PSMD1: variants seen among roughly 807,000 people sequenced by gnomAD.
PSMD1 encodes proteasome 26S subunit, non-ATPase 1, also known as 26S proteasome non-ATPase regulatory subunit 1.
In PSMD1, 18 loss-of-function variants were observed where a neutral mutation model predicts 119.0. That is an observed-to-expected ratio of 0.15 (90% CI 0.10 to 0.22). The LOEUF is 0.22. Among genes scored for constraint, PSMD1 ranks in the 10% least tolerant of loss-of-function variants. PSMD1 has a pLI of 1.00. For synonymous variants in PSMD1, 374 were observed against 396.6 expected, an observed-to-expected ratio of 0.94 and a Z score of 0.68; for missense variants, 702 against 1,158.5, an observed-to-expected ratio of 0.61 and a Z score of 5.72.
intron 16 of PSMD1, chr2:231,123,578 T>G: frequency 6.2e-7 from 1 of 1,614,130 alleles, no homozygotes; most frequent in Non-Finnish European, 8.5e-7. Context: ...ATTATCACCA[T>G]GAGTATCAGA....
chr2:231,160,630 T>G (rs1696615042), intron 19 of PSMD1, among the ~76,000 whole-genome samples: 1 of 152,224 alleles, frequency 6.6e-6, no homozygotes, highest in African/African-American at 2.4e-5. Context: ...GCAAAAAGTA[T>G]ATACTAAAAC....
chr2:231,085,992 T>A (rs1195819523), intron 15 of PSMD1, among the ~76,000 whole-genome samples: 1 of 152,068 alleles, frequency 6.6e-6, no homozygotes, highest in Non-Finnish European at 1.5e-5. Flanking sequence ...GTTCTAAATG[T>A]TCATATTTTG....
intron 1 of PSMD1, among the ~76,000 whole-genome samples, chr2:231,058,560 T>C (rs1693669796): frequency 6.6e-6 from 1 of 151,742 alleles, no homozygotes; most frequent in Non-Finnish European, 1.5e-5. Flanking sequence ...TCATTAGTGT[T>C]AGTGTATTTT....
intron 16 of PSMD1, among the ~76,000 whole-genome samples, chr2:231,094,235 T>A (rs2125186189): frequency 6.6e-6 from 1 of 152,186 alleles, no homozygotes; most frequent in South Asian, 2.1e-4. Flanking sequence ...TTAGCTAGCC[T>A]TTGGGTGAGT....
intron 21 of PSMD1, among the ~76,000 whole-genome samples, chr2:231,163,992 T>C (rs1696698323): frequency 6.6e-6 from 1 of 152,244 alleles, no homozygotes; most frequent in African/African-American, 2.4e-5. Context: ...AATTATTCTC[T>C]ACATACTTTT....
intron 19 of PSMD1, among the ~76,000 whole-genome samples, chr2:231,155,615 T>C (rs551948400): frequency 2.2e-4 from 33 of 151,624 alleles, no homozygotes; most frequent in Middle Eastern, 6.8e-3. Context: ...GTAAATTCTT[T>C]ATTTTTGATC....
chr2:231,156,302 G>A (rs1696503937), intron 19 of PSMD1, among the ~76,000 whole-genome samples: 1 of 152,066 alleles, frequency 6.6e-6, no homozygotes. Flanking sequence ...TCTTGTGTTA[G>A]TGTGGTATAT....
chr2:231,075,599 A>C, intron 8 of PSMD1, 28 bp downstream of exon 8: 1 of 1,597,818 alleles, frequency 6.3e-7, no homozygotes, highest in Non-Finnish European at 8.5e-7. Context: ...TTTTCCTTTG[A>C]GACAGGGTCC....
Position 231,076,409 on chromosome 2 carries a change from G to A in PSMD1, c.943-625G>A, listed in dbSNP as rs532209192. 6.6e-5 allele frequency among the ~76,000 whole-genome samples: 10 copies of A among 152,348 alleles called. No individual in the cohort carries two copies. The South Asian group carries it at 2.1e-3, about 32-fold the overall frequency. ...AGGCTGGGCACTGTGGTTCATGCAT[G>A]TAATCCCAGCACTTTGGGAGGCCAA... On this transcript the variant is annotated intron_variant, in intron 8 of 24. Coordinates refer to ENST00000308696, the MANE Select transcript of PSMD1 (RefSeq NM_002807.4).
At chr2:231,059,116 G>A (rs1360745933) in intron 1 of PSMD1, among the ~76,000 whole-genome samples, 2 of 152,080 alleles carry the variant, frequency 1.3e-5, no homozygotes, top group Non-Finnish European at 2.9e-5. Flanking sequence ...AAGTAGAGGC[G>A]GAAAAAGCAC....
intron 5 of PSMD1, among the ~76,000 whole-genome samples, chr2:231,068,905 G>A (rs1321112593): frequency 6.6e-6 from 1 of 152,178 alleles, no homozygotes; most frequent in African/African-American, 2.4e-5. Flanking sequence ...ATTGTGCTGA[G>A]GCTGCGCTGA....
intron 16 of PSMD1, chr2:231,108,485 A>G (rs1695030600): frequency 6.5e-7 from 1 of 1,531,322 alleles, no homozygotes. Context: ...CATCTTACTC[A>G]TCATTATGTT....
rs191788240 is a variant in PSMD1 at position 231,126,083 on chromosome 2, T to A, written c.1884-12653T>A. On this transcript the variant is annotated intron_variant, in intron 16 of 24. Coordinates refer to ENST00000308696, the MANE Select transcript of PSMD1 (RefSeq NM_002807.4). Reference sequence around the variant, plus strand: ...AAGAGAAATCAGATGTTTTTTAATGTACCAGAATTTCTATTCAGGAATATG... The same window carrying A: ...AAGAGAAATCAGATGTTTTTTAATGAACCAGAATTTCTATTCAGGAATATG... 6.6e-5 allele frequency among the ~76,000 whole-genome samples: 10 copies of A among 152,318 alleles called. No individual in the cohort carries two copies. The East Asian group carries it at 1.9e-3, about 29-fold the overall frequency.
At chr2:231,068,427 T>C (rs746348771) in intron 5 of PSMD1, among the ~76,000 whole-genome samples, 21 of 152,220 alleles carry the variant, frequency 1.4e-4, no homozygotes, top group Non-Finnish European at 2.1e-4. Context: ...ATTTTTTCAG[T>C]GCTTACTGTT....
At chr2:231,062,870 T>G (rs745535034) in intron 4 of PSMD1, among the ~76,000 whole-genome samples, 195 bp downstream of exon 4, 7 of 152,214 alleles carry the variant, frequency 4.6e-5, no homozygotes, top group Non-Finnish European at 7.3e-5. Context: ...TCAGTGGTTA[T>G]GATGATCACC....
intron 5 of PSMD1, 152 bp from the exon 6 acceptor site, chr2:231,069,873 G>C (rs1224390165): frequency 4.2e-6 from 2 of 476,848 alleles, no homozygotes; most frequent in African/African-American, 4.0e-5. Context: ...ATCTAAAATG[G>C]TTTAAAATTC....
Position 231,147,590 on chromosome 2 carries a change from T to G in PSMD1, c.2115+1234T>G, listed in dbSNP as rs1189540872. Reference sequence around the variant, plus strand: ...GTATCTTGTCATTTCAGCCAAAACTTCTCATTCTACTAAGAAACAGAAAAT... The same window carrying G: ...GTATCTTGTCATTTCAGCCAAAACTGCTCATTCTACTAAGAAACAGAAAAT... On this transcript the variant is annotated intron_variant, in intron 18 of 24. Transcript: ENST00000308696. Among the ~76,000 whole-genome samples the G allele has an allele frequency of 2.0e-5, 3 of 152,202 alleles. No homozygotes were observed. The East Asian group carries it at 5.8e-4, about 29-fold the overall frequency.
intron 21 of PSMD1, 139 bp from the exon 22 acceptor site, chr2:231,165,061 T>TAC (rs1696741638): frequency 1.6e-4 from 5 of 30,574 alleles, no homozygotes; most frequent in African/African-American, 3.3e-4. Flanking sequence ...TATATATATA[T>TAC]ATATATATAT....
At chr2:231,137,100 A>G (rs1464672760) in intron 16 of PSMD1, among the ~76,000 whole-genome samples, 2 of 145,690 alleles carry the variant, frequency 1.4e-5, no homozygotes, top group Non-Finnish European at 3.0e-5. Flanking sequence ...ATTATATTTT[A>G]TATATTATAT....
Sources: gnomAD v4.1 joint callset for allele counts (sites outside exome capture counted in the v4.1 genomes callset) on GRCh38, gnomAD v4.1.1 for gene constraint, MANE v1.5 for transcripts, NCBI Gene and HGNC (gene_info 2026-07-23, HGNC 2026-07-21) for gene names.